Variants in GPC6 observed in about 807,000 individuals in gnomAD.
GPC6 encodes glypican 6.
GPC6 carries 14 observed loss-of-function variants against 55.2 expected under a neutral mutation model. That is an observed-to-expected ratio of 0.25 (90% CI 0.17 to 0.40). The LOEUF (loss-of-function observed/expected upper bound fraction) is 0.40. Ranked by LOEUF, GPC6 falls within the 10% of genes least tolerant of loss-of-function variation. GPC6 has a pLI of 1.00. For synonymous variants in GPC6, 278 were observed against 259.6 expected, an observed-to-expected ratio of 1.07 and a Z score of -0.68; for missense variants, 641 against 708.5, an observed-to-expected ratio of 0.90 and a Z score of 1.08.
At chr13:94,175,953 T>G (rs548097716) in intron 4 of GPC6, among the ~76,000 whole-genome samples, 4,974 of 106,004 alleles carry the variant, frequency 0.047, 85 homozygotes, top group African/African-American at 0.064. Context: ...TATATATATA[T>G]ATAGAGAGAG....
chr13:94,096,829 C>A (rs1012247353), intron 4 of GPC6, among the ~76,000 whole-genome samples: 1 of 152,150 alleles, frequency 6.6e-6, no homozygotes, highest in Non-Finnish European at 1.5e-5. Context: ...CAGTTCACTT[C>A]CTTCTGGTTT....
At chr13:93,983,475 G>A (rs1441660269) in intron 3 of GPC6, among the ~76,000 whole-genome samples, 1 of 151,688 alleles carries the variant, frequency 6.6e-6, no homozygotes, top group Non-Finnish European at 1.5e-5. Context: ...TTACTCTGTT[G>A]GTCAAGCTGG....
chr13:94,104,546 A>G (rs1176857933), intron 4 of GPC6, among the ~76,000 whole-genome samples: 1 of 152,210 alleles, frequency 6.6e-6, no homozygotes. Flanking sequence ...TTTGCAGATG[A>G]CGTGATTGTA....
intron 4 of GPC6, among the ~76,000 whole-genome samples, chr13:94,118,863 A>G (rs1266486841): frequency 1.3e-5 from 2 of 152,032 alleles, no homozygotes; most frequent in East Asian, 3.9e-4. Context: ...CCTGTGCTTT[A>G]CTTCTGCTTC....
At chr13:93,284,124 A>C (rs1878036420) in intron 1 of GPC6, among the ~76,000 whole-genome samples, 3 of 152,212 alleles carry the variant, frequency 2.0e-5, no homozygotes, top group South Asian at 4.1e-4. Context: ...TAAAACATAT[A>C]GTTTATTGCT....
intron 3 of GPC6, among the ~76,000 whole-genome samples, chr13:93,868,540 C>A (rs1029514783): frequency 6.6e-6 from 1 of 151,686 alleles, no homozygotes; most frequent in Admixed American, 6.6e-5. Flanking sequence ...GATATTTTAA[C>A]TTTGGATATT....
At chr13:93,552,110 G>A (rs1045462778) in intron 2 of GPC6, among the ~76,000 whole-genome samples, 3 of 152,138 alleles carry the variant, frequency 2.0e-5, no homozygotes, top group African/African-American at 7.2e-5. Flanking sequence ...CATTTGCTAG[G>A]CTACCAGCTC....
At chr13:93,581,967 T>C (rs1876957433) in intron 2 of GPC6, among the ~76,000 whole-genome samples, 1 of 152,058 alleles carries the variant, frequency 6.6e-6, no homozygotes, top group Non-Finnish European at 1.5e-5. Context: ...ATATCAGGGG[T>C]TGTTAAGAGC....
At chr13:94,002,102 A>G (rs1182661344) in intron 3 of GPC6, among the ~76,000 whole-genome samples, 1 of 152,086 alleles carries the variant, frequency 6.6e-6, no homozygotes, top group East Asian at 1.9e-4. Context: ...CTTGAGAAGG[A>G]TATTCCTGAG....
intron 1 of GPC6, among the ~76,000 whole-genome samples, chr13:93,243,400 T>C (rs1447556994): frequency 6.6e-6 from 1 of 152,200 alleles, no homozygotes; most frequent in East Asian, 1.9e-4. Context: ...TGTTCACCCA[T>C]GTCTCTAGTC....
intron 2 of GPC6, among the ~76,000 whole-genome samples, chr13:93,652,032 A>C (rs1880442172): frequency 6.6e-6 from 1 of 152,218 alleles, no homozygotes; most frequent in Admixed American, 6.5e-5. Context: ...CATAACCACC[A>C]TTAAAACTGC....
At chr13:93,700,788 T>C (rs1882640506) in intron 2 of GPC6, among the ~76,000 whole-genome samples, 1 of 152,040 alleles carries the variant, frequency 6.6e-6, no homozygotes. Flanking sequence ...AGCAAGGATA[T>C]CATCAAGAGA....
intron 2 of GPC6, among the ~76,000 whole-genome samples, chr13:93,586,577 C>G (rs1282464490): frequency 6.6e-6 from 1 of 152,166 alleles, no homozygotes; most frequent in East Asian, 1.9e-4. Flanking sequence ...AAGATTGAAA[C>G]TGGACCCCTT....
intron 6 of GPC6, among the ~76,000 whole-genome samples, chr13:94,376,681 C>G (rs1879873918): frequency 6.6e-6 from 1 of 152,096 alleles, no homozygotes; most frequent in Non-Finnish European, 1.5e-5. Context: ...ACTTCCTTCA[C>G]AGAATTGGAA....
intron 1 of GPC6, among the ~76,000 whole-genome samples, chr13:93,319,475 G>A (rs1879356427): frequency 6.6e-6 from 1 of 152,114 alleles, no homozygotes; most frequent in East Asian, 1.9e-4. Context: ...AAAACAGAAT[G>A]TGATGCTATT....
chr13:93,955,782 C>T (rs1279407947), intron 3 of GPC6, among the ~76,000 whole-genome samples: 1 of 152,146 alleles, frequency 6.6e-6, no homozygotes, highest in Non-Finnish European at 1.5e-5. Flanking sequence ...AGCAATAAAC[C>T]TTACTTTAAC....
At chr13:93,688,726 G>T (rs142617891) in intron 2 of GPC6, among the ~76,000 whole-genome samples, 4 of 152,020 alleles carry the variant, frequency 2.6e-5, no homozygotes, top group African/African-American at 9.7e-5. Context: ...GGGCAAATTC[G>T]TAGAGAAAGA....
chr13:93,529,816 T>C (rs987907613), intron 1 of GPC6, among the ~76,000 whole-genome samples: 1 of 152,074 alleles, frequency 6.6e-6, no homozygotes, highest in African/African-American at 2.4e-5. Flanking sequence ...CGCCTGGCTG[T>C]CTCTGAGATT....
chr13:93,954,464 G>GCAC (rs916749784), intron 3 of GPC6, among the ~76,000 whole-genome samples: 3 of 152,050 alleles, frequency 2.0e-5, no homozygotes, highest in Non-Finnish European at 4.4e-5. Flanking sequence ...AAATTAGTGT[G>GCAC]CACCACCACA....
Sources: gnomAD v4.1 joint callset for allele counts (sites outside exome capture counted in the v4.1 genomes callset) on GRCh38, gnomAD v4.1.1 for gene constraint, MANE v1.5 for transcripts, NCBI Gene and HGNC (gene_info 2026-07-23, HGNC 2026-07-21) for gene names.